The following ONECUT2 variants were observed in gnomAD, a reference collection of about 807,000 sequenced individuals.
The protein encoded by ONECUT2 is one cut domain family member 2.
Under a neutral mutation model 27.9 loss-of-function variants are expected in ONECUT2, and 10 were observed. That is an observed-to-expected ratio of 0.36 (90% CI 0.22 to 0.61). The LOEUF is 0.61. Ranked by LOEUF, ONECUT2 falls within the 20% of genes least tolerant of loss-of-function variation. The pLI is 0.73. For synonymous variants in ONECUT2, 334 were observed against 315.1 expected, an observed-to-expected ratio of 1.06 and a Z score of -0.64; for missense variants, 686 against 721.0, an observed-to-expected ratio of 0.95 and a Z score of 0.56.
intron 1 of ONECUT2, among the ~76,000 whole-genome samples, chr18:57,468,272 G>A (rs889614188): frequency 1.4e-4 from 22 of 152,180 alleles, no homozygotes; most frequent in African/African-American, 5.1e-4. Context: ...AAGTTTCTGA[G>A]GAAAGCCAGC....
chr18:57,435,631 C>T lies in ONECUT2; in HGVS notation c.-86C>T. ...ACTCACTCCCGCGCCCGCCCCCACTCCCGCAGCCGAGCCCCGCCACGCGCG... is the reference window on the plus strand; with the variant it reads ...ACTCACTCCCGCGCCCGCCCCCACTTCCGCAGCCGAGCCCCGCCACGCGCG... On this transcript the variant is annotated 5_prime_UTR_variant, in exon 1 of 2. Transcript: ENST00000491143. The T allele has an allele frequency of 3.1e-6, 3 of 979,640 alleles. No homozygotes were observed. The highest frequency in any genetic ancestry group is 3.6e-6 in the Non-Finnish European group (3 of 822,478). The allele number at this position is 979,640 out of a possible 1,614,324, so 60.7% of individuals were successfully genotyped here.
chr18:57,437,620 G>A (rs1179110170), intron 1 of ONECUT2, among the ~76,000 whole-genome samples: 1 of 152,184 alleles, frequency 6.6e-6, no homozygotes, highest in Admixed American at 6.5e-5. Flanking sequence ...GGGCTTGAGG[G>A]GCTCGGGCCA....
Position 57,488,900 on chromosome 18 carries a change from C to G in ONECUT2, c.*12177C>G, listed in dbSNP as rs986648126. On this transcript the variant is annotated 3_prime_UTR_variant, in exon 2 of 2. Coordinates refer to ENST00000491143, the MANE Select transcript of ONECUT2 (RefSeq NM_004852.3). ...TGGGCCAAAAATCTCTAACCTCACT[C>G]TCTCTGGACTCCAACACTTCCCTGC... 2 of 103,614 alleles carry G rather than the reference C, an allele frequency of 1.9e-5. No homozygotes were observed. The highest frequency in any genetic ancestry group is 8.9e-5 in the Admixed American group (1 of 11,258). 6.4% of individuals were successfully genotyped at this position (103,614 alleles called of 1,614,324 possible).
In ONECUT2 at chr18:57,479,023, G is replaced by T. The variant is rs542863504; in HGVS notation, c.*2300G>T. On this transcript the variant is annotated 3_prime_UTR_variant, in exon 2 of 2. Coordinates refer to ENST00000491143, the MANE Select transcript of ONECUT2 (RefSeq NM_004852.3). ...TGAACAGTTCTCTCTGCTCAGCAGAGGGTAGGGAATAACATTATCACTTGA... is the reference window on the plus strand; with the variant it reads ...TGAACAGTTCTCTCTGCTCAGCAGATGGTAGGGAATAACATTATCACTTGA... 2.0e-5 allele frequency: 3 copies of T among 152,736 alleles called. No individual in the cohort carries two copies. The South Asian group carries it at 6.2e-4, about 32-fold the overall frequency. The allele number at this position is 152,736 out of a possible 1,614,324, so 9.5% of individuals were successfully genotyped here.
At chr18:57,461,264 T>C (rs1241664788) in intron 1 of ONECUT2, among the ~76,000 whole-genome samples, 1 of 152,222 alleles carries the variant, frequency 6.6e-6, no homozygotes. Context: ...TGTTGCTGCA[T>C]GTAGTAGCAG....
chr18:57,436,311 C>A lies in ONECUT2; in HGVS notation c.595C>A (p.Arg199Ser). The A allele has an allele frequency of 6.2e-7, 1 of 1,603,522 alleles. No individual in the cohort carries two copies. The highest frequency in any genetic ancestry group is 8.5e-7 in the Non-Finnish European group (1 of 1,179,518). Reference sequence around the variant, plus strand: ...CGTCAGCGGCAGCTTCACCCTCATGCGCGACGAGCGCGGGCTCCCGGCCAT... The same window carrying A: ...CGTCAGCGGCAGCTTCACCCTCATGAGCGACGAGCGCGGGCTCCCGGCCAT... ...GNVSGSFTLMRDERGLPAMNN... is the reference protein window; with the variant it reads ...GNVSGSFTLMSDERGLPAMNN... The change falls in exon 1 of 2, where the codon CGC becomes AGC. Residue 199 changes from arginine to serine, a missense_variant. This residue lies in a region of ONECUT2 where 511 missense variants were observed against 488.1 expected (regional missense o/e 1.05). Transcript: ENST00000491143. This position sits in a 1 kb window ranked among gnomAD's most constrained non-coding sequence, Gnocchi z 5.9.
At chr18:57,458,842 G>A (rs181684198) in intron 1 of ONECUT2, among the ~76,000 whole-genome samples, 41 of 152,258 alleles carry the variant, frequency 2.7e-4, no homozygotes, top group African/African-American at 9.6e-4. Flanking sequence ...CAGTGGAGGA[G>A]AGAGCTCCTA....
At chr18:57,443,875 A>G (rs1187611193) in intron 1 of ONECUT2, among the ~76,000 whole-genome samples, 1 of 152,166 alleles carries the variant, frequency 6.6e-6, no homozygotes, top group Non-Finnish European at 1.5e-5. Flanking sequence ...CTCTTTCACC[A>G]TTTGAGGACC....
Position 57,483,816 on chromosome 18 carries a change from C to G in ONECUT2, c.*7093C>G, listed in dbSNP as rs1401914043. 1 of 152,628 alleles carries G rather than the reference C, an allele frequency of 6.6e-6. No homozygotes were observed. The highest frequency in any genetic ancestry group is 1.5e-5 in the Non-Finnish European group (1 of 68,042). 9.5% of individuals were successfully genotyped at this position (152,628 alleles called of 1,614,324 possible). ...GCCCCACCTGGTACCAGGCGAACTT[C>G]ACCTCTTAATTATTGTGGCCCTCGG... On this transcript the variant is annotated 3_prime_UTR_variant, in exon 2 of 2. Transcript: ENST00000491143.
At chr18:57,458,717 A>G (rs1432234600) in intron 1 of ONECUT2, among the ~76,000 whole-genome samples, 2 of 152,046 alleles carry the variant, frequency 1.3e-5, no homozygotes, top group Non-Finnish European at 2.9e-5. Flanking sequence ...CTGTGTACCC[A>G]TGGGAATGTT....
intron 1 of ONECUT2, among the ~76,000 whole-genome samples, chr18:57,455,408 G>A (rs2050253649): frequency 6.6e-6 from 1 of 152,114 alleles, no homozygotes; most frequent in Admixed American, 6.5e-5. Context: ...ATCCTTTCCT[G>A]ACCCCAAATT....
chr18:57,453,455 A>G lies in ONECUT2; in HGVS notation c.1228+16511A>G, dbSNP rs556653681. On this transcript the variant is annotated intron_variant, in intron 1 of 1. Transcript: ENST00000491143. ...TCTGTTTAAAATTAAATTGAGAAAT[A>G]TTTTTGAGTTCCATCAGGCAGATAA... Among the ~76,000 whole-genome samples the G allele has an allele frequency of 5.9e-5, 9 of 152,308 alleles. No homozygotes were observed. The East Asian group carries it at 1.5e-3, about 26-fold the overall frequency.
At chr18:57,468,539 T>C (rs1440917486) in intron 1 of ONECUT2, among the ~76,000 whole-genome samples, 1 of 152,120 alleles carries the variant, frequency 6.6e-6, no homozygotes, top group Non-Finnish European at 1.5e-5. Flanking sequence ...CACAAAATAA[T>C]CCAATAATGA....
Position 57,476,707 on chromosome 18 carries a change from C to G in ONECUT2, c.1499C>G (p.Thr500Arg), listed in dbSNP as rs750432712. The change falls in exon 2 of 2, where the codon ACG (threonine) becomes AGG (arginine). Residue 500 changes from threonine to arginine, a missense_variant. Around this residue, in one of 4 missense-constraint regions of ONECUT2, gnomAD observed 77 missense variants for 105.5 expected, o/e 0.73. Transcript: ENST00000491143. ...GGGGGCTCCTCGTCCACCTCCAGCACGTGTACCAAAGCATGATGGAAGGAC... is the reference window on the plus strand; with the variant it reads ...GGGGGCTCCTCGTCCACCTCCAGCAGGTGTACCAAAGCATGATGGAAGGAC... Reference protein sequence around the residue: ...STGGSSSTSSTCTKA With the variant: ...STGGSSSTSSRCTKA The G allele has an allele frequency of 6.2e-7, 1 of 1,613,858 alleles. No homozygotes were observed. The highest frequency in any genetic ancestry group is 1.1e-5 in the South Asian group (1 of 91,070).
rs908431672 is a variant in ONECUT2 at position 57,467,239 on chromosome 18, G to A, written c.1229-9198G>A. On this transcript the variant is annotated intron_variant, in intron 1 of 1. Coordinates refer to ENST00000491143, the MANE Select transcript of ONECUT2 (RefSeq NM_004852.3). ...GCCGACAGTAAGTGGACACTGGGGA[G>A]TTGCTCTAGCGCTTGTCAAGACCAG... 8.1e-5 allele frequency: 37 copies of A among 455,516 alleles called. 1 individual carries two copies. The highest frequency in any genetic ancestry group is 8.0e-4 in the Admixed American group (34 of 42,418). 28.2% of individuals were successfully genotyped at this position (455,516 alleles called of 1,614,324 possible).
At chr18:57,459,897 G>A (rs1598937717) in intron 1 of ONECUT2, among the ~76,000 whole-genome samples, 2 of 150,762 alleles carry the variant, frequency 1.3e-5, no homozygotes, top group East Asian at 4.0e-4. Context: ...TACTTTATGT[G>A]TTTTGCTTCT....
rs140436002 is a variant in ONECUT2, at chr18:57,469,645, C to A, written c.1229-6792C>A. Reference sequence around the variant, plus strand: ...ACAACCTCACAAAGAAAACAAACATCTTTAACCTTTTATTTGCCATTAGCC... The same window carrying A: ...ACAACCTCACAAAGAAAACAAACATATTTAACCTTTTATTTGCCATTAGCC... On this transcript the variant is annotated intron_variant, in intron 1 of 1. Coordinates refer to ENST00000491143, the MANE Select transcript of ONECUT2 (RefSeq NM_004852.3). Among the ~76,000 whole-genome samples, 128 of 152,350 alleles carry A rather than the reference C, an allele frequency of 8.4e-4. 1 individual carries two copies. In the East Asian group the frequency reaches 0.023, roughly 28 times the overall value.
rs1189888602 is a variant in ONECUT2, at chr18:57,485,135, T to C, written c.*8412T>C. Reference sequence around the variant, plus strand: ...TTGTATAGATAACTTTTTAATTCAGTAGGAGGAGAAAGTTCATTCTTGGCC... The same window carrying C: ...TTGTATAGATAACTTTTTAATTCAGCAGGAGGAGAAAGTTCATTCTTGGCC... On this transcript the variant is annotated 3_prime_UTR_variant, in exon 2 of 2. Coordinates refer to ENST00000491143, the MANE Select transcript of ONECUT2 (RefSeq NM_004852.3). 6.6e-6 allele frequency: 1 copy of C among 152,188 alleles called. No homozygotes were observed. The highest frequency in any genetic ancestry group is 1.9e-4 in the East Asian group (1 of 5,200). The allele number at this position is 152,188 out of a possible 1,614,324, so 9.4% of individuals were successfully genotyped here. A position where few individuals can be genotyped will look rare whatever the true frequency, so the allele number is the denominator to read the frequency against.
Position 57,435,644 on chromosome 18 carries a change from C to A in ONECUT2, c.-73C>A. Reference sequence around the variant, plus strand: ...CCCGCCCCCACTCCCGCAGCCGAGCCCCGCCACGCGCGCCTTGCCCGCCCG... The same window carrying A: ...CCCGCCCCCACTCCCGCAGCCGAGCACCGCCACGCGCGCCTTGCCCGCCCG... On this transcript the variant is annotated 5_prime_UTR_variant, in exon 1 of 2. Transcript: ENST00000491143. 1 of 998,156 alleles carries A rather than the reference C, an allele frequency of 1.0e-6. No individual in the cohort carries two copies. The highest frequency in any genetic ancestry group is 1.2e-6 in the Non-Finnish European group (1 of 835,348). The allele number at this position is 998,156 out of a possible 1,614,324, so 61.8% of individuals were successfully genotyped here.
Sources: gnomAD v4.1 joint callset for allele counts (sites outside exome capture counted in the v4.1 genomes callset) on GRCh38, gnomAD v4.1.1 for gene constraint, gnomAD v4.1.1 regional missense constraint, Gnocchi (gnomAD v3.1) non-coding constraint, MANE v1.5 for transcripts, NCBI Gene and HGNC (gene_info 2026-07-23, HGNC 2026-07-21) for gene names.